ACSM2A: variants seen among roughly 807,000 people sequenced by gnomAD.
ACSM2A encodes the protein acyl-CoA synthetase medium chain family member 2A.
In ACSM2A, 72 loss-of-function variants were observed where a neutral mutation model predicts 76.6. The ratio of observed to expected loss-of-function variants is 0.94; its 90% confidence interval spans 0.78 to 1.14. The LOEUF is 1.14. Among genes scored for constraint, ACSM2A ranks in the 50% most tolerant of loss-of-function variants. The pLI, the probability that ACSM2A is intolerant of heterozygous loss-of-function variation, is 0.00. For synonymous variants in ACSM2A, 249 were observed against 255.9 expected (o/e 0.97, Z 0.26); for missense variants, 684 against 708.5 (o/e 0.97, Z 0.39).
chr16:20,472,293 G>T (rs2013465042), intron 6 of ACSM2A, among the ~76,000 whole-genome samples: 1 of 152,126 alleles, frequency 6.6e-6, no homozygotes, highest in African/African-American at 2.4e-5. Context: ...TGAGATCAGG[G>T]TGCCAGCATA....
chr16:20,468,798 T>A (rs916681333), intron 3 of ACSM2A, among the ~76,000 whole-genome samples: 3 of 152,238 alleles, frequency 2.0e-5, no homozygotes, highest in African/African-American at 7.2e-5. Context: ...TCTAATGTTT[T>A]AAGATAAATT....
At chr16:20,475,553 C>A (rs1164107081) in intron 7 of ACSM2A, 97 bp from the exon 8 acceptor site, 2 of 1,604,588 alleles carry the variant, frequency 1.2e-6, no homozygotes, top group Non-Finnish European at 1.7e-6. Context: ...CCCCATGAAG[C>A]CATTTGCATC....
At chr16:20,465,164 C>A (rs112688135) in intron 2 of ACSM2A, among the ~76,000 whole-genome samples, 1 of 151,822 alleles carries the variant, frequency 6.6e-6, no homozygotes, top group South Asian at 2.1e-4. Flanking sequence ...AATAAATAGA[C>A]GCAATAAATA....
intron 10 of ACSM2A, 56 bp downstream of exon 10, chr16:20,478,733 G>T: frequency 1.0e-5 from 16 of 1,550,080 alleles, no homozygotes; most frequent in Non-Finnish European, 1.1e-5. Flanking sequence ...AGCACTAAAC[G>T]GGATGAGGGA....
chr16:20,469,001 C>T (rs2013198287), intron 3 of ACSM2A, among the ~76,000 whole-genome samples: 1 of 152,142 alleles, frequency 6.6e-6, no homozygotes, highest in Non-Finnish European at 1.5e-5. Flanking sequence ...TAAATATATA[C>T]AACTATACTT....
At chr16:20,475,612 A>T in intron 7 of ACSM2A, 38 bp from the exon 8 acceptor site, 3 of 1,612,938 alleles carry the variant, frequency 1.9e-6, no homozygotes, top group Non-Finnish European at 2.5e-6. Context: ...CTTTGGTTCC[A>T]GGGAGGCTGA....
intron 3 of ACSM2A, among the ~76,000 whole-genome samples, chr16:20,467,114 T>A (rs1354576): frequency 0.077 from 11,723 of 152,208 alleles, 651 homozygotes; most frequent in Admixed American, 0.14. Context: ...GTGTCATAAT[T>A]TTTCCAAAGG....
intron 2 of ACSM2A, among the ~76,000 whole-genome samples, chr16:20,464,441 G>C (rs1339041001): frequency 1.3e-5 from 2 of 152,198 alleles, no homozygotes; most frequent in African/African-American, 4.8e-5. Context: ...ATCTGCTTCT[G>C]ATGAGGGCCT....
In ACSM2A at chr16:20,483,067, G is replaced by A. The variant is rs747733038; in HGVS notation, c.1519G>A (p.Ala507Thr). The change falls in exon 13 of 14, where the codon GCA (alanine) becomes ACA (threonine). Residue 507 changes from alanine (A) to threonine (T), a missense_variant. Physicochemically the swap from Ala to Thr is moderately conservative, Grantham distance 58. Coordinates refer to ENST00000573854, the MANE Select transcript of ACSM2A (RefSeq NM_001308172.2). ...TTCATCTTTTTTGCAGGTGGTGAAGGCATTTGTGGTCCTGGCCTCGCAGTT... is the reference window on the plus strand; with the variant it reads ...TTCATCTTTTTTGCAGGTGGTGAAGACATTTGTGGTCCTGGCCTCGCAGTT... ...PDPVRGEVVK[A>T]FVVLASQFLS... is the part of the protein sequence containing the mutation. 46 of 1,613,672 alleles carry A rather than the reference G, an allele frequency of 2.9e-5. No individual in the cohort carries two copies. Among genetic ancestry groups the A allele is most frequent in the Non-Finnish European group, 3.6e-5 (42 of 1,179,816 alleles).
At position 20,471,250 on chromosome 16, in the gene ACSM2A, C is replaced by T. The variant is rs750177803; in HGVS notation, c.740+34C>T. ...AGCTCTTTCTCTCTACAGAGAATTACATGAGTTTTGGAGTTAGAAGGAGAA... is the reference window on the plus strand; with the variant it reads ...AGCTCTTTCTCTCTACAGAGAATTATATGAGTTTTGGAGTTAGAAGGAGAA... On this transcript the variant is annotated intron_variant, in intron 5 of 13. Coordinates refer to ENST00000573854, the MANE Select transcript of ACSM2A (RefSeq NM_001308172.2). 4.4e-6 allele frequency: 7 copies of T among 1,600,772 alleles called. No homozygotes were observed. In the East Asian group the frequency reaches 1.1e-4, roughly 26 times the overall value.
intron 5 of ACSM2A, 91 bp from the exon 6 acceptor site, chr16:20,471,445 A>G (rs556518305): frequency 1.2e-5 from 18 of 1,522,380 alleles, no homozygotes; most frequent in Non-Finnish European, 1.5e-5. Flanking sequence ...CTCTGCACAC[A>G]CACCTCCCTT....
intron 1 of ACSM2A, among the ~76,000 whole-genome samples, chr16:20,459,460 G>T (rs2141690956): frequency 6.6e-6 from 1 of 152,294 alleles, no homozygotes; most frequent in African/African-American, 2.4e-5. Flanking sequence ...GTAGCTTTTA[G>T]TCATGCATAT....
intron 10 of ACSM2A, among the ~76,000 whole-genome samples, chr16:20,480,019 G>C (rs755813737): frequency 3.3e-5 from 5 of 152,200 alleles, no homozygotes; most frequent in Non-Finnish European, 7.3e-5. Flanking sequence ...CTATACCTGA[G>C]TCAGATAGGA....
At chr16:20,485,774 A>T (rs1290754066) in intron 13 of ACSM2A, among the ~76,000 whole-genome samples, 3 of 152,212 alleles carry the variant, frequency 2.0e-5, no homozygotes, top group African/African-American at 7.2e-5. Flanking sequence ...CCATCTCAGT[A>T]TCCCTATTAT....
rs534659594 is a variant in ACSM2A, at chr16:20,460,289, A to G, written c.175A>G (p.Lys59Glu). ...GTTGGATCACTGGGCTGACATGGAGAAGGTAATGGGGTGGAAAAGAGGCAC... is the reference window on the plus strand; with the variant it reads ...GTTGGATCACTGGGCTGACATGGAGGAGGTAATGGGGTGGAAAAGAGGCAC... ...DVLDHWADME[K>E]AGKRLPSPAL... Residue 59 changes from lysine (K) to glutamate (E), a missense_variant and splice_region_variant, in exon 2 of 14, where the codon AAG (lysine) becomes GAG (glutamate). Lys to Glu is a moderately conservative substitution (Grantham distance 56, BLOSUM62 1). Coordinates refer to ENST00000573854, the MANE Select transcript of ACSM2A (RefSeq NM_001308172.2). The G allele has an allele frequency of 1.9e-6, 3 of 1,613,644 alleles. No homozygotes were observed. Among genetic ancestry groups the G allele is most frequent in the Non-Finnish European group, 2.5e-6 (3 of 1,179,754 alleles).
At chr16:20,477,827 A>T (rs2013840170) in intron 9 of ACSM2A, among the ~76,000 whole-genome samples, 1 of 152,224 alleles carries the variant, frequency 6.6e-6, no homozygotes, top group Admixed American at 6.5e-5. Flanking sequence ...CTGCAGCATG[A>T]TTTTTAATGA....
chr16:20,475,499 C>T (rs2013681637), intron 7 of ACSM2A, 58 bp downstream of exon 7: 6 of 1,608,330 alleles, frequency 3.7e-6, no homozygotes, highest in Non-Finnish European at 4.3e-6. Flanking sequence ...GACTCCCTCA[C>T]ATACATTCAT....
At chr16:20,457,025 C>T (rs2012214592) in intron 1 of ACSM2A, among the ~76,000 whole-genome samples, 1 of 151,936 alleles carries the variant, frequency 6.6e-6, no homozygotes, top group Non-Finnish European at 1.5e-5. Context: ...CTACAAACAG[C>T]TTTATGCACA....
At chr16:20,470,379 C>A (rs1475214747) in intron 4 of ACSM2A, among the ~76,000 whole-genome samples, 3 of 152,124 alleles carry the variant, frequency 2.0e-5, no homozygotes, top group African/African-American at 7.2e-5. Flanking sequence ...CATGGAAAGA[C>A]CTTGATAGTC....
Sources: allele counts gnomAD v4.1 joint callset (sites outside exome capture counted in the v4.1 genomes callset), GRCh38; gene constraint gnomAD v4.1.1; transcripts MANE v1.5; gene names NCBI Gene and HGNC (gene_info 2026-07-23, HGNC 2026-07-21).